Variants in FAM107B observed in about 807,000 individuals in gnomAD.
FAM107B encodes family with sequence similarity 107 member B.
In FAM107B, 21 loss-of-function variants were observed where a neutral mutation model predicts 31.5. The ratio of observed to expected loss-of-function variants is 0.67; its 90% confidence interval spans 0.47 to 0.96. The LOEUF (loss-of-function observed/expected upper bound fraction) is 0.96. Among genes scored for constraint, FAM107B ranks in the 40% least tolerant of loss-of-function variants. The pLI is 0.00. For synonymous variants in FAM107B, 157 were observed against 141.5 expected, an observed-to-expected ratio of 1.11 and a Z score of -0.78; for missense variants, 452 against 377.1, an observed-to-expected ratio of 1.20 and a Z score of -1.64.
At chr10:14,743,541 G>A (rs1018204739) in intron 1 of FAM107B, among the ~76,000 whole-genome samples, 4 of 152,172 alleles carry the variant, frequency 2.6e-5, no homozygotes, top group Non-Finnish European at 4.4e-5. Flanking sequence ...AAGATATAAG[G>A]AAGGGGATCC....
intron 2 of FAM107B, among the ~76,000 whole-genome samples, chr10:14,601,382 G>C (rs1852391837): frequency 6.6e-6 from 1 of 152,164 alleles, no homozygotes; most frequent in African/African-American, 2.4e-5. Context: ...GATGGGTCAG[G>C]CCCAGCCCTT....
chr10:14,582,090 A>G (rs1313356385), intron 2 of FAM107B, among the ~76,000 whole-genome samples: 1 of 152,186 alleles, frequency 6.6e-6, no homozygotes, highest in African/African-American at 2.4e-5. Flanking sequence ...GCACATAAGA[A>G]TAAAACCCTG....
At chr10:14,552,997 C>T (rs770299501) in intron 2 of FAM107B, among the ~76,000 whole-genome samples, 7 of 152,190 alleles carry the variant, frequency 4.6e-5, no homozygotes, top group South Asian at 2.1e-4. Flanking sequence ...CACACAAAAA[C>T]GTCCAACAGC....
At chr10:14,611,051 C>G (rs1041909558) in intron 2 of FAM107B, among the ~76,000 whole-genome samples, 2 of 152,186 alleles carry the variant, frequency 1.3e-5, no homozygotes, top group Admixed American at 1.3e-4. Flanking sequence ...ACAGCTGTTA[C>G]TCACATAAAC....
intron 1 of FAM107B, among the ~76,000 whole-genome samples, chr10:14,670,223 A>G (rs1854507980): frequency 6.6e-6 from 1 of 152,260 alleles, no homozygotes; most frequent in Non-Finnish European, 1.5e-5. Flanking sequence ...TCATCATCAG[A>G]GACCATTTCT....
chr10:14,695,614 C>T (rs1218535528), intron 1 of FAM107B, among the ~76,000 whole-genome samples: 2 of 152,154 alleles, frequency 1.3e-5, no homozygotes, highest in South Asian at 4.1e-4. Flanking sequence ...TTCTTCCAAT[C>T]CATGAGCAGG....
chr10:14,638,984 A>G (rs1368398954), intron 2 of FAM107B, among the ~76,000 whole-genome samples: 1 of 152,042 alleles, frequency 6.6e-6, no homozygotes, highest in Non-Finnish European at 1.5e-5. Context: ...TGAGTCCAGG[A>G]TTTCGAGACC....
Position 14,531,152 on chromosome 10 carries a change from A to G in FAM107B, c.470-637T>C, listed in dbSNP as rs78661341. 2.7e-4 allele frequency among the ~76,000 whole-genome samples: 41 copies of G among 152,316 alleles called. No individual in the cohort carries two copies. The East Asian group carries it at 7.3e-3, about 27-fold the overall frequency. Reference sequence around the variant, plus strand: ...TTATGCACAGCCTCTGTGACCACCAATCACAATCACAGGACTGAAACCGCT... The same window carrying G: ...TTATGCACAGCCTCTGTGACCACCAGTCACAATCACAGGACTGAAACCGCT... On this transcript the variant is annotated intron_variant, in intron 2 of 4. Transcript: ENST00000181796.
intron 1 of FAM107B, among the ~76,000 whole-genome samples, chr10:14,728,121 T>C (rs1856078574): frequency 1.3e-5 from 2 of 152,212 alleles, no homozygotes; most frequent in Admixed American, 1.3e-4. Context: ...CCCAACACAA[T>C]GCTTGTGAGC....
chr10:14,576,223 G>A (rs538959495), intron 2 of FAM107B, among the ~76,000 whole-genome samples: 6 of 152,276 alleles, frequency 3.9e-5, no homozygotes, highest in East Asian at 1.9e-4. Context: ...ATTTCACCAC[G>A]ATTTTTTAAA....
chr10:14,533,771 C>G (rs118082373), intron 2 of FAM107B, among the ~76,000 whole-genome samples: 1,947 of 152,308 alleles, frequency 0.013, 20 homozygotes, highest in Non-Finnish European at 0.017. Context: ...GACTTTAGTT[C>G]TGAATCTAGG....
At chr10:14,598,964 C>A (rs889915450) in intron 2 of FAM107B, among the ~76,000 whole-genome samples, 1 of 152,208 alleles carries the variant, frequency 6.6e-6, no homozygotes, top group Non-Finnish European at 1.5e-5. Context: ...CTTTCCCCTA[C>A]AGCACCTTGC....
intron 2 of FAM107B, among the ~76,000 whole-genome samples, chr10:14,570,808 A>AC (rs1311211469): frequency 6.6e-6 from 1 of 151,244 alleles, no homozygotes; most frequent in Non-Finnish European, 1.5e-5. Flanking sequence ...TCTCAAAAAA[A>AC]AAAGAAGTAA....
At chr10:14,652,298 G>T (rs1256072293) in intron 2 of FAM107B, among the ~76,000 whole-genome samples, 1 of 152,190 alleles carries the variant, frequency 6.6e-6, no homozygotes, top group Non-Finnish European at 1.5e-5. Flanking sequence ...TTTCTAAAGA[G>T]CACCAGATCC....
chr10:14,648,395 G>A (rs774152767), intron 2 of FAM107B, among the ~76,000 whole-genome samples: 14 of 152,328 alleles, frequency 9.2e-5, no homozygotes, highest in East Asian at 3.9e-4. Flanking sequence ...TTTCAGAGGC[G>A]CCTGTTGCTA....
intron 1 of FAM107B, among the ~76,000 whole-genome samples, chr10:14,672,235 C>G (rs1424117303): frequency 2.6e-5 from 4 of 151,954 alleles, no homozygotes; most frequent in Non-Finnish European, 4.4e-5. Context: ...ATTACAGGCA[C>G]CTGCCACCAT....
intron 2 of FAM107B, among the ~76,000 whole-genome samples, chr10:14,545,951 T>C (rs550527250): frequency 4.1e-4 from 62 of 152,224 alleles, no homozygotes; most frequent in African/African-American, 1.4e-3. Context: ...GGAAGGAAAA[T>C]ACACAGACCA....
intron 2 of FAM107B, among the ~76,000 whole-genome samples, chr10:14,630,755 G>A (rs180846822): frequency 6.2e-4 from 95 of 152,184 alleles, no homozygotes; most frequent in Non-Finnish European, 1.0e-3. Flanking sequence ...GGAGGCTAAG[G>A]CAGGAGGATT....
intron 2 of FAM107B, among the ~76,000 whole-genome samples, chr10:14,635,370 C>T (rs1483345721): frequency 6.6e-6 from 1 of 152,106 alleles, no homozygotes; most frequent in Admixed American, 6.6e-5. Flanking sequence ...GAACAGCCCA[C>T]CTAAGGCTAA....
Sources: gnomAD v4.1 joint callset for allele counts (sites outside exome capture counted in the v4.1 genomes callset) on GRCh38, gnomAD v4.1.1 for gene constraint, MANE v1.5 for transcripts, NCBI Gene and HGNC (gene_info 2026-07-23, HGNC 2026-07-21) for gene names.